The following SIRT4 variants were observed in gnomAD, a reference collection of about 807,000 sequenced individuals.
SIRT4 encodes NAD-dependent protein lipoamidase sirtuin-4, mitochondrial.
A neutral mutation model predicts 26.1 loss-of-function variants in SIRT4; 23 were observed. The ratio of observed to expected loss-of-function variants is 0.88; its 90% CI spans 0.63 to 1.25. The LOEUF (loss-of-function observed/expected upper bound fraction) is 1.25, where lower values mean the gene tolerates loss of function less well. SIRT4 is among the 50% of genes most tolerant of loss of function. The probability of loss-of-function intolerance (pLI) is 0.00; values close to 1 mark genes in which losing one functional copy is unlikely to be tolerated. For missense variants in SIRT4, 361 were observed against 405.4 expected (o/e 0.89, Z 0.94); for synonymous variants, 155 against 158.4 (o/e 0.98, Z 0.16).
chr12:120,310,937 G>A (rs113029293), intron 2 of SIRT4, among the ~76,000 whole-genome samples: 103,606 of 146,702 alleles, frequency 0.71, 36,651 homozygotes, highest in South Asian at 0.74. Flanking sequence ...GGGTTTCACC[G>A]TGTTAGCCAG....
chr12:120,305,904 C>T (rs1301159461), intron 2 of SIRT4, among the ~76,000 whole-genome samples: 2 of 150,100 alleles, frequency 1.3e-5, no homozygotes, highest in East Asian at 2.0e-4. Flanking sequence ...CCCAGCTACT[C>T]GGGAGGCTGA....
intron 2 of SIRT4, among the ~76,000 whole-genome samples, chr12:120,311,074 A>T (rs1448370415): frequency 8.3e-4 from 104 of 125,226 alleles, no homozygotes; most frequent in African/African-American, 2.7e-3. Flanking sequence ...AAAAAAAAAA[A>T]TAGGCCGGGC....
upstream of SIRT4, among the ~76,000 whole-genome samples, chr12:120,300,162 G>C (rs1266493731): frequency 6.6e-6 from 1 of 151,970 alleles, no homozygotes; most frequent in African/African-American, 2.4e-5. Context: ...CGTGGTGGTG[G>C]ATGCCTGTGA....
rs1872637023 is a variant in SIRT4, at chr12:120,303,840, T to C, written c.279T>C (p.Gly93=). The C allele has an allele frequency of 6.2e-7, 1 of 1,614,180 alleles. No homozygotes were observed. Among genetic ancestry groups the C allele is most frequent in the Non-Finnish European group, 8.5e-7 (1 of 1,180,016 alleles). ...CTGACCGCAGGCCCATCCAGCATGG[T>C]GATTTTGTCCGGAGTGCCCCAATCC... ...ARTDRRPIQH[G]DFVRSAPIRQ... Residue 93 remains glycine, a synonymous_variant, in exon 2 of 4, where the codon GGT becomes GGC. Transcript: ENST00000202967.
upstream of SIRT4, among the ~76,000 whole-genome samples, chr12:120,300,360 A>G: frequency 6.6e-6 from 1 of 152,058 alleles, no homozygotes; most frequent in Middle Eastern, 3.2e-3. Context: ...TATTACCTCC[A>G]AAGATACAAT....
At chr12:120,296,306 C>T in the SIRT4 span, among the ~76,000 whole-genome samples, 8 of 151,562 alleles carry the variant, frequency 5.3e-5, no homozygotes, top group African/African-American at 1.7e-4. Flanking sequence ...CGAGCTCCGC[C>T]TTCCGGGTTC....
chr12:120,296,163 A>G, the SIRT4 span, among the ~76,000 whole-genome samples: 22 of 151,810 alleles, frequency 1.4e-4, no homozygotes, highest in South Asian at 6.2e-4. Context: ...GTAAACACGA[A>G]AAGTTCAAAG....
chr12:120,297,877 T>G (rs77253939), upstream of SIRT4, among the ~76,000 whole-genome samples: 589 of 152,128 alleles, frequency 3.9e-3, 4 homozygotes, highest in African/African-American at 0.014. Context: ...GGATTATAAT[T>G]TTTAAATTTT....
At chr12:120,311,506 C>T (rs1201499199) in intron 2 of SIRT4, among the ~76,000 whole-genome samples, 5 of 150,266 alleles carry the variant, frequency 3.3e-5, no homozygotes, top group South Asian at 4.2e-4. Flanking sequence ...CCAAGGCAGG[C>T]GGATCACCTG....
the SIRT4 span, among the ~76,000 whole-genome samples, chr12:120,294,755 T>C: frequency 1.3e-5 from 2 of 151,922 alleles, no homozygotes; most frequent in African/African-American, 4.8e-5. Context: ...TGGGCCCAAG[T>C]GATCCTCCCA....
intron 2 of SIRT4, among the ~76,000 whole-genome samples, chr12:120,309,174 C>A (rs1482079755): frequency 7.9e-5 from 12 of 151,992 alleles, no homozygotes; most frequent in Non-Finnish European, 1.5e-5. Context: ...AAGAGTGAAA[C>A]TCTGTCTCAA....
chr12:120,304,787 A>G (rs1872673639), intron 2 of SIRT4, among the ~76,000 whole-genome samples: 1 of 145,594 alleles, frequency 6.9e-6, no homozygotes, highest in African/African-American at 2.5e-5. Context: ...CTGTCTCTAT[A>G]TAAGTAAAGT....
At chr12:120,304,803 T>TTATATATA (rs1254801981) in intron 2 of SIRT4, among the ~76,000 whole-genome samples, 112 of 60,344 alleles carry the variant, frequency 1.9e-3, no homozygotes, top group South Asian at 3.3e-3. Flanking sequence ...AAAGTAAATT[T>TTATATATA]TATATATATA....
intron 2 of SIRT4, among the ~76,000 whole-genome samples, chr12:120,309,367 A>G (rs1872866355): frequency 6.6e-6 from 1 of 151,366 alleles, no homozygotes; most frequent in Non-Finnish European, 1.5e-5. Context: ...GCATTTTAAA[A>G]CAATCCAGGA....
chr12:120,311,004 G>A (rs1204007647), intron 2 of SIRT4, among the ~76,000 whole-genome samples: 1 of 143,624 alleles, frequency 7.0e-6, no homozygotes, highest in Non-Finnish European at 1.5e-5. Context: ...CAAAGTGTTG[G>A]GATTACAGGC....
the SIRT4 span, among the ~76,000 whole-genome samples, chr12:120,292,195 T>C: frequency 1.1e-4 from 16 of 151,960 alleles, no homozygotes; most frequent in African/African-American, 3.9e-4. Flanking sequence ...GAGTGAGCAG[T>C]GGGAAAGCGA....
chr12:120,292,598 A>G, the SIRT4 span, among the ~76,000 whole-genome samples: 2 of 152,070 alleles, frequency 1.3e-5, no homozygotes, highest in African/African-American at 4.8e-5. Context: ...TTCGTCTCAA[A>G]AAGAAAACAA....
intron 2 of SIRT4, among the ~76,000 whole-genome samples, 197 bp from the exon 3 acceptor site, chr12:120,312,259 G>A (rs561882519): frequency 6.6e-6 from 1 of 152,260 alleles, no homozygotes; most frequent in East Asian, 1.9e-4. Context: ...CTGCATTCCA[G>A]CCTGGGCAAC....
intron 2 of SIRT4, among the ~76,000 whole-genome samples, chr12:120,307,156 A>G (rs1163663627): frequency 6.6e-6 from 1 of 152,194 alleles, no homozygotes; most frequent in African/African-American, 2.4e-5. Flanking sequence ...TACACTATGT[A>G]GTACATTATA....
Sources: gnomAD v4.1 joint callset for allele counts (sites outside exome capture counted in the v4.1 genomes callset) on GRCh38, gnomAD v4.1.1 for gene constraint, MANE v1.5 for transcripts, NCBI Gene and HGNC (gene_info 2026-07-23, HGNC 2026-07-21) for gene names.